STIM1: variants seen among roughly 807,000 people sequenced by gnomAD.
STIM1 encodes the protein stromal interaction molecule 1.
In STIM1, 25 loss-of-function variants were observed where a neutral mutation model predicts 74.7. That is an observed-to-expected ratio of 0.33 (90% CI 0.24 to 0.47). The LOEUF (loss-of-function observed/expected upper bound fraction) is 0.47, where lower values mean the gene tolerates loss of function less well. Among genes scored for constraint, STIM1 ranks in the 20% least tolerant of loss-of-function variants. The pLI, the probability that STIM1 is intolerant of heterozygous loss-of-function variation, is 1.00. For missense variants in STIM1, 728 were observed against 920.8 expected, an observed-to-expected ratio of 0.79 and a Z score of 2.71; for synonymous variants, 328 against 348.8, an observed-to-expected ratio of 0.94 and a Z score of 0.66.
At chr11:3,939,969 T>C (rs76968418) in intron 1 of STIM1, among the ~76,000 whole-genome samples, 1 of 152,312 alleles carries the variant, frequency 6.6e-6, no homozygotes, top group African/African-American at 2.4e-5. Flanking sequence ...GAAAAAACAC[T>C]CCACCCACTG....
intron 3 of STIM1, among the ~76,000 whole-genome samples, chr11:4,036,636 G>T (rs1310181774): frequency 6.6e-6 from 1 of 152,090 alleles, no homozygotes; most frequent in Admixed American, 6.6e-5. Context: ...TATGTTTGTT[G>T]GTCGCATGAA....
intron 3 of STIM1, among the ~76,000 whole-genome samples, chr11:4,030,931 G>A (rs550621699): frequency 1.3e-5 from 2 of 152,236 alleles, no homozygotes; most frequent in South Asian, 4.2e-4. Flanking sequence ...ATACAAAAAG[G>A]TGTAAATCTC....
intron 1 of STIM1, among the ~76,000 whole-genome samples, chr11:3,907,153 A>G (rs147559323): frequency 5.3e-5 from 8 of 152,344 alleles, no homozygotes; most frequent in Admixed American, 2.0e-4. Flanking sequence ...TACCTTAAGA[A>G]TAAAAAGGGG....
In STIM1 at chr11:4,043,662, A is replaced by G. The variant is rs180689462; in HGVS notation, c.386-11864A>G. On this transcript the variant is annotated intron_variant, in intron 3 of 12. Transcript: ENST00000526596. ...AAATGAATCTAATTTATAAACACAT[A>G]TACGTATATTGGCAATGTGTGTACA... is the stretch of plus-strand genomic sequence containing the variant. 4.7e-4 allele frequency among the ~76,000 whole-genome samples: 71 copies of G among 152,324 alleles called. 1 individual carries two copies. The highest frequency in any genetic ancestry group is 9.0e-4 in the Non-Finnish European group (61 of 68,028).
At chr11:3,879,177 A>C (rs998417767) in intron 1 of STIM1, among the ~76,000 whole-genome samples, 4 of 152,194 alleles carry the variant, frequency 2.6e-5, no homozygotes, top group Admixed American at 2.6e-4. Context: ...GCTGGTCTCG[A>C]ACTCCTGACC....
intron 3 of STIM1, among the ~76,000 whole-genome samples, chr11:4,051,083 C>A (rs2094236176): frequency 6.6e-6 from 1 of 151,114 alleles, no homozygotes; most frequent in Non-Finnish European, 1.5e-5. Flanking sequence ...ACTCAGTATA[C>A]CTTTTATTGA....
intron 2 of STIM1, among the ~76,000 whole-genome samples, chr11:3,983,941 A>C (rs2093532317): frequency 1.3e-5 from 2 of 151,172 alleles, no homozygotes; most frequent in Admixed American, 6.6e-5. Flanking sequence ...GTCTCGGCTC[A>C]CTGCAACCTC....
intron 2 of STIM1, among the ~76,000 whole-genome samples, chr11:4,011,481 A>G (rs575555952): frequency 6.6e-6 from 1 of 152,300 alleles, no homozygotes; most frequent in East Asian, 1.9e-4. Context: ...GCCAGTGAAG[A>G]TGAGCATTTT....
intron 1 of STIM1, among the ~76,000 whole-genome samples, chr11:3,885,136 G>T (rs964794689): frequency 6.6e-6 from 1 of 151,694 alleles, no homozygotes; most frequent in African/African-American, 2.4e-5. Flanking sequence ...AATCTAAGAG[G>T]ATTAATTATA....
At chr11:4,056,354 A>G (rs1216898312) in intron 4 of STIM1, among the ~76,000 whole-genome samples, 1 of 152,198 alleles carries the variant, frequency 6.6e-6, no homozygotes, top group Non-Finnish European at 1.5e-5. Flanking sequence ...ACTTCTTGTC[A>G]TGTCAAACTA....
Position 4,051,079 on chromosome 11 carries a change from T to C in STIM1, c.386-4447T>C, listed in dbSNP as rs181873231. 1.6e-3 allele frequency among the ~76,000 whole-genome samples: 246 copies of C among 151,604 alleles called. 2 individuals carry two copies. The highest frequency in any genetic ancestry group is 1.9e-3 in the Non-Finnish European group (131 of 67,982). ...AGGTGGGAGAAGCAGGCACACTCAG[T>C]ATACCTTTTATTGAAAAAAAAATCC... On this transcript the variant is annotated intron_variant, in intron 3 of 12. Coordinates refer to ENST00000526596, the MANE Select transcript of STIM1 (RefSeq NM_001382567.1).
At chr11:3,940,482 T>C (rs1477625961) in intron 1 of STIM1, among the ~76,000 whole-genome samples, 2 of 152,218 alleles carry the variant, frequency 1.3e-5, no homozygotes, top group Non-Finnish European at 2.9e-5. Flanking sequence ...TTCTCTGAAC[T>C]ACTTTTTCCT....
Position 4,091,373 on chromosome 11 carries a change from G to C in STIM1, c.1726G>C (p.Asp576His), listed in dbSNP as rs1018980327. ...PKPPQMSRAA[D>H]EALNAMTSNG... Reference sequence around the variant, plus strand: ...ACCTCCTCAGATGAGCCGTGCTGCAGACGAGGCTCTCAATGCCATGACTTC... The same window carrying C: ...ACCTCCTCAGATGAGCCGTGCTGCACACGAGGCTCTCAATGCCATGACTTC... Residue 576 changes from aspartate to histidine, a missense_variant, in exon 13 of 13, where the codon GAC becomes CAC. Transcript: ENST00000526596. 6.2e-7 allele frequency: 1 copy of C among 1,614,216 alleles called. No individual in the cohort carries two copies.
chr11:3,858,646 A>G (rs1265027556), intron 1 of STIM1, among the ~76,000 whole-genome samples: 1 of 152,218 alleles, frequency 6.6e-6, no homozygotes, highest in Admixed American at 6.5e-5. Flanking sequence ...TTTCTATGCA[A>G]CTAGGAACTC....
intron 2 of STIM1, among the ~76,000 whole-genome samples, chr11:3,971,268 G>A (rs1246016926): frequency 5.3e-5 from 8 of 150,912 alleles, no homozygotes; most frequent in African/African-American, 7.3e-5. Flanking sequence ...GGTGGCTCAC[G>A]CCTGTAATCC....
At chr11:3,970,708 A>C (rs1319593000) in intron 2 of STIM1, among the ~76,000 whole-genome samples, 21 of 152,310 alleles carry the variant, frequency 1.4e-4, no homozygotes, top group Middle Eastern at 3.4e-3. Context: ...CAGCACATGC[A>C]TGTTAGGCAA....
chr11:3,902,679 A>G (rs896531), intron 1 of STIM1, among the ~76,000 whole-genome samples: 145,342 of 152,278 alleles, frequency 0.95, 69,372 homozygotes, highest in African/African-American at 0.98. Context: ...GGACTGGTAC[A>G]GTCTGCAGCC....
chr11:3,978,329 G>A (rs929504048), intron 2 of STIM1, among the ~76,000 whole-genome samples: 3 of 151,008 alleles, frequency 2.0e-5, no homozygotes, highest in Non-Finnish European at 4.4e-5. Flanking sequence ...TGTATTTTTA[G>A]TAGAGACGGG....
rs1403912005 is a variant in STIM1 at position 3,980,647 on chromosome 11, A to G, written c.270+12965A>G. On this transcript the variant is annotated intron_variant, in intron 2 of 12. Transcript: ENST00000526596. ...AAAAAAACCCACACATTTCAGTGCA[A>G]TGCCTGGAACAAAACAACAACAACA... Among the ~76,000 whole-genome samples, 8 of 150,856 alleles carry G rather than the reference A, an allele frequency of 5.3e-5. 1 individual carries two copies. Among genetic ancestry groups the G allele is most frequent in the Admixed American group, 4.6e-4 (7 of 15,126 alleles).
Sources: allele counts gnomAD v4.1 joint callset (sites outside exome capture counted in the v4.1 genomes callset), GRCh38; gene constraint gnomAD v4.1.1; transcripts MANE v1.5; gene names NCBI Gene and HGNC (gene_info 2026-07-23, HGNC 2026-07-21).